SRSF4: variants seen among roughly 807,000 people sequenced by gnomAD.
The protein encoded by SRSF4 is serine/arginine-rich splicing factor 4.
SRSF4 carries 12 observed loss-of-function variants against 48.8 expected under a neutral mutation model. The ratio of observed to expected loss-of-function variants is 0.25; its 90% CI spans 0.16 to 0.40. SRSF4 has a LOEUF of 0.40. Among genes scored for constraint, SRSF4 ranks in the 10% least tolerant of loss-of-function variants. The pLI, the probability that SRSF4 is intolerant of heterozygous loss-of-function variation, is 1.00. For synonymous variants in SRSF4, 248 were observed against 232.5 expected, an observed-to-expected ratio of 1.07 and a Z score of -0.61; for missense variants, 466 against 667.1, an observed-to-expected ratio of 0.70 and a Z score of 3.32.
chr1:29,163,396 T>A (rs775213152), intron 1 of SRSF4, among the ~76,000 whole-genome samples: 2 of 152,250 alleles, frequency 1.3e-5, no homozygotes, highest in Non-Finnish European at 2.9e-5. Flanking sequence ...TTGTCACTTC[T>A]CTCTGCCATT....
intron 1 of SRSF4, among the ~76,000 whole-genome samples, chr1:29,163,098 A>G (rs960745907): frequency 3.9e-5 from 6 of 152,242 alleles, no homozygotes; most frequent in African/African-American, 1.2e-4. Flanking sequence ...TTTCTTTGCA[A>G]GCTGAGAATG....
intron 3 of SRSF4, among the ~76,000 whole-genome samples, chr1:29,156,703 A>T (rs997289772): frequency 2.6e-5 from 4 of 152,180 alleles, no homozygotes; most frequent in African/African-American, 9.7e-5. Flanking sequence ...GAAGGTACAG[A>T]CATGTAGAAC....
chr1:29,151,044 T>C (rs1672401361), intron 4 of SRSF4, among the ~76,000 whole-genome samples: 1 of 152,184 alleles, frequency 6.6e-6, no homozygotes, highest in Non-Finnish European at 1.5e-5. Context: ...AGACTGTAGA[T>C]TCTTATTTTC....
intron 1 of SRSF4, among the ~76,000 whole-genome samples, chr1:29,176,785 G>A (rs890890752): frequency 6.6e-6 from 1 of 152,116 alleles, no homozygotes; most frequent in South Asian, 2.1e-4. Context: ...AAATTTTCTG[G>A]TAATAATTAG....
intron 1 of SRSF4, among the ~76,000 whole-genome samples, chr1:29,179,652 T>C (rs1672924968): frequency 6.6e-6 from 1 of 152,192 alleles, no homozygotes; most frequent in Non-Finnish European, 1.5e-5. Flanking sequence ...CTACGACATA[T>C]ACTATTCCCA....
chr1:29,157,830 T>A (rs987008797), intron 3 of SRSF4, among the ~76,000 whole-genome samples: 2 of 152,188 alleles, frequency 1.3e-5, no homozygotes, highest in Non-Finnish European at 2.9e-5. Flanking sequence ...CAGATTATGA[T>A]ACTGCTCAGT....
rs1193666667 is a variant in SRSF4 at position 29,148,472 on chromosome 1, T to C, written c.1423A>G (p.Arg475Gly). The change falls in exon 6 of 6, where the codon AGA becomes GGA. Residue 475 changes from arginine (R) to glycine (G), a missense_variant. By Grantham distance (125) the Arg-to-Gly change is moderately radical. Transcript: ENST00000373795. ...GGCGATCTGGAAGCAGACCTGGATC[T>C]AGACTTGGACCGAGATCGGGTTTTT... ...ASKTRSRSKS[R>G]SRSASRSPSR... 6.2e-7 allele frequency: 1 copy of C among 1,613,704 alleles called. No homozygotes were observed.
At chr1:29,175,008 AAGAG>A (rs1013070378) in intron 1 of SRSF4, among the ~76,000 whole-genome samples, 4 of 143,890 alleles carry the variant, frequency 2.8e-5, no homozygotes, top group Non-Finnish European at 4.4e-5. Context: ...AAAAGAAAAG[AAGAG>A]AGACAGAGTG....
chr1:29,175,692 C>T (rs1380796941), intron 1 of SRSF4, among the ~76,000 whole-genome samples: 7 of 8,074 alleles, frequency 8.7e-4, no homozygotes, highest in African/African-American at 1.9e-3. Context: ...CAGACGCTGT[C>T]TCAAAAAAAA....
chr1:29,158,832 C>A (rs1406416829), intron 3 of SRSF4, among the ~76,000 whole-genome samples: 1 of 151,836 alleles, frequency 6.6e-6, no homozygotes, highest in African/African-American at 2.4e-5. Context: ...TGTAACAAAA[C>A]AAAATCAGGC....
At chr1:29,178,409 T>C (rs1315679805) in intron 1 of SRSF4, among the ~76,000 whole-genome samples, 2 of 147,232 alleles carry the variant, frequency 1.4e-5, no homozygotes, top group African/African-American at 5.0e-5. Context: ...AGTGGCACGA[T>C]CTCGGCTCAC....
At chr1:29,165,613 C>T (rs985966531) in intron 1 of SRSF4, among the ~76,000 whole-genome samples, 1 of 152,192 alleles carries the variant, frequency 6.6e-6, no homozygotes, top group African/African-American at 2.4e-5. Context: ...TTCTGTATTC[C>T]AAACATCTTC....
rs758556244 is a variant in SRSF4 at position 29,149,116 on chromosome 1, T to TGGCTGC, written c.773_778dup (p.Arg258_Ser259dup). The TGGCTGC allele has an allele frequency of 1.2e-5, 19 of 1,610,930 alleles. No homozygotes were observed. The highest frequency in any genetic ancestry group is 2.2e-5 in the East Asian group (1 of 44,822). On this transcript the variant is annotated inframe_insertion, in exon 6 of 6. Transcript: ENST00000373795. ...CTTGCTGCGGCTCTTGCCAGCGCTA[T>TGGCTGC]GGCTGCGGCTGCGGCTCTTTTCCTT...
In SRSF4 at chr1:29,148,741, T is replaced by TCTCGCTTGCTGC; in HGVS notation, c.1142_1153dup (p.Gly381_Arg384dup). On this transcript the variant is annotated inframe_insertion, in exon 6 of 6. Coordinates refer to ENST00000373795, the MANE Select transcript of SRSF4 (RefSeq NM_005626.5). ...CTTCTTGCTGCTGCCCGCCTTGCTG[T>TCTCGCTTGCTGC]CTCGCTTGCTGCCTCGCTTTCTGCT... 1 of 1,613,680 alleles carries TCTCGCTTGCTGC rather than the reference T, an allele frequency of 6.2e-7. No homozygotes were observed. Among genetic ancestry groups the TCTCGCTTGCTGC allele is most frequent in the Middle Eastern group, 1.7e-4 (1 of 6,060 alleles).
chr1:29,165,848 T>C (rs954380947), intron 1 of SRSF4: 1 of 152,288 alleles, frequency 6.6e-6, no homozygotes, highest in African/African-American at 2.4e-5. Flanking sequence ...ATGGTCTCTC[T>C]ATAAGAAAAT....
chr1:29,149,185 TGGCTCC>T lies in SRSF4; in HGVS notation c.704_709del (p.Arg235_Ser236del), dbSNP rs771583775. 410 of 1,610,836 alleles carry T rather than the reference TGGCTCC, an allele frequency of 2.5e-4. No homozygotes were observed. The highest frequency in any genetic ancestry group is 6.3e-4 in the South Asian group (57 of 91,040). On this transcript the variant is annotated inframe_deletion, in exon 6 of 6. Coordinates refer to ENST00000373795, the MANE Select transcript of SRSF4 (RefSeq NM_005626.5). The stretch of plus-strand genomic sequence containing the variant: ...CTCTTTCTTGCTCCGGCTCCGACTC[TGGCTCC>T]GGCTCCGGCTCTTGCTCCGGGAGCG...
intron 1 of SRSF4, among the ~76,000 whole-genome samples, chr1:29,177,282 TG>T (rs1364216490): frequency 5.6e-4 from 77 of 138,196 alleles, no homozygotes; most frequent in African/African-American, 2.0e-3. Context: ...TAACTCTTTT[TG>T]TTTTTTTTTT....
At chr1:29,168,047 G>T (rs115176464) in intron 1 of SRSF4, among the ~76,000 whole-genome samples, 1 of 141,668 alleles carries the variant, frequency 7.1e-6, no homozygotes, top group Non-Finnish European at 1.5e-5. Context: ...ACATAGTCTC[G>T]CTCTGTCGCG....
chr1:29,177,363 C>T (rs1461966417), intron 1 of SRSF4, among the ~76,000 whole-genome samples: 3 of 150,974 alleles, frequency 2.0e-5, no homozygotes, highest in Admixed American at 6.6e-5. Context: ...CTCACCGCAA[C>T]CTATGCCTCT....
Sources: gnomAD v4.1 joint callset for allele counts (sites outside exome capture counted in the v4.1 genomes callset) on GRCh38, gnomAD v4.1.1 for gene constraint, MANE v1.5 for transcripts, NCBI Gene and HGNC (gene_info 2026-07-23, HGNC 2026-07-21) for gene names.